The following AGT variants were observed in gnomAD, a reference collection of about 807,000 sequenced individuals.
AGT encodes angiotensinogen, also known as alpha-1 antiproteinase, antitrypsin.
A neutral mutation model predicts 28.1 loss-of-function variants in AGT; 26 were observed. That is an observed-to-expected ratio of 0.92 (90% confidence interval 0.68 to 1.28). The LOEUF is 1.28. Among genes scored for constraint, AGT ranks in the 50% most tolerant of loss-of-function variants. The pLI, the probability that AGT is intolerant of heterozygous loss-of-function variation, is 0.00. For synonymous variants in AGT, 259 were observed against 259.6 expected (o/e 1.00, Z 0.02); for missense variants, 596 against 592.3 (o/e 1.01, Z -0.06).
chr1:230,730,856 C>T (rs564994222), intron 1 of AGT, among the ~76,000 whole-genome samples: 3 of 152,214 alleles, frequency 2.0e-5, no homozygotes, highest in Admixed American at 6.5e-5. Context: ...TTATTAGGCC[C>T]AGATAGGCAT....
intron 2 of AGT, among the ~76,000 whole-genome samples, chr1:230,708,776 C>G (rs941263104): frequency 1.3e-5 from 2 of 152,146 alleles, no homozygotes; most frequent in African/African-American, 4.8e-5. Flanking sequence ...TGGACTCTTG[C>G]GTAACCTTCA....
chr1:230,720,175 G>A (rs11122581), intron 1 of AGT, among the ~76,000 whole-genome samples: 30,129 of 151,758 alleles, frequency 0.2, 4,076 homozygotes, highest in East Asian at 0.49. Flanking sequence ...GTAGAAATTC[G>A]GGCCGTGACT....
rs1663270681 is a variant in AGT at position 230,702,846 on chromosome 1, T to C, written c.*295A>G. On this transcript the variant is annotated 3_prime_UTR_variant, in exon 5 of 5. Transcript: ENST00000366667. ...TCGGTTGGAATTCTTTTTGGAACAG[T>C]AGTCCCGCGCTAAACACTGGTTCTT... 4 of 391,878 alleles carry C rather than the reference T, an allele frequency of 1.0e-5. No homozygotes were observed. The highest frequency in any genetic ancestry group is 1.9e-5 in the Non-Finnish European group (4 of 215,298). The allele number at this position is 391,878 out of a possible 1,614,324, so 24.3% of individuals were successfully genotyped here. A position where few individuals can be genotyped will look rare whatever the true frequency, so the allele number is the denominator to read the frequency against.
chr1:230,710,227 C>T lies in AGT; in HGVS notation c.597G>A (p.Val199=). The T allele has an allele frequency of 6.2e-7, 1 of 1,613,694 alleles. No individual in the cohort carries two copies. Among genetic ancestry groups the T allele is most frequent in the Non-Finnish European group, 8.5e-7 (1 of 1,179,992 alleles). ...DSQAQLLLST[V]VGVFTAPGLH... is the part of the protein sequence containing the mutation. ...GGCCTGGGGCTGTGAACACGCCCAC[C>T]ACCGTGGACAGCAGCAGCTGGGCCT... The change falls in exon 2 of 5, where the codon GTG becomes GTA. Residue 199 remains valine, a synonymous_variant. Transcript: ENST00000366667.
intron 1 of AGT, among the ~76,000 whole-genome samples, chr1:230,729,916 C>G: frequency 6.6e-6 from 1 of 151,968 alleles, no homozygotes; most frequent in East Asian, 2.0e-4. Flanking sequence ...AATCCCAGCA[C>G]TTTGGGAGGC....
At chr1:230,729,895 C>G (rs1168670989) in intron 1 of AGT, among the ~76,000 whole-genome samples, 3 of 152,006 alleles carry the variant, frequency 2.0e-5, no homozygotes, top group Non-Finnish European at 4.4e-5. Context: ...GGCACGGTGG[C>G]TCACGCCTGT....
At chr1:230,712,765 G>T (rs926855857) in intron 1 of AGT, among the ~76,000 whole-genome samples, 2 of 152,204 alleles carry the variant, frequency 1.3e-5, no homozygotes, top group Non-Finnish European at 2.9e-5. Context: ...ATCTGCGGCT[G>T]CTCCCTAGGC....
intron 1 of AGT, among the ~76,000 whole-genome samples, chr1:230,741,233 T>C (rs538157512): frequency 6.6e-6 from 1 of 152,168 alleles, no homozygotes; most frequent in African/African-American, 2.4e-5. Flanking sequence ...CCTTAGGCCA[T>C]AGGGGCAGTG....
intron 1 of AGT, among the ~76,000 whole-genome samples, chr1:230,732,889 A>G (rs900348077): frequency 3.3e-5 from 5 of 152,160 alleles, no homozygotes; most frequent in African/African-American, 9.7e-5. Flanking sequence ...TCAAGGACCA[A>G]CGGTATTTGA....
chr1:230,725,687 G>A (rs185263802), intron 1 of AGT, among the ~76,000 whole-genome samples: 2 of 152,234 alleles, frequency 1.3e-5, no homozygotes, highest in Non-Finnish European at 2.9e-5. Flanking sequence ...TTTATTTAAT[G>A]TTCAGTTCTT....
chr1:230,705,584 G>T (rs1663358291), intron 3 of AGT, among the ~76,000 whole-genome samples: 2 of 152,256 alleles, frequency 1.3e-5, no homozygotes, highest in South Asian at 2.1e-4. Context: ...TCACAGGTGT[G>T]CTGTGTGTCA....
At chr1:230,708,162 CA>C (rs1441078726) in intron 2 of AGT, among the ~76,000 whole-genome samples, 1 of 152,198 alleles carries the variant, frequency 6.6e-6, no homozygotes, top group Non-Finnish European at 1.5e-5. Flanking sequence ...AGGGTCAGGG[CA>C]GCATGCGGTG....
chr1:230,731,851 A>T (rs1170995942), intron 1 of AGT, among the ~76,000 whole-genome samples: 1 of 152,136 alleles, frequency 6.6e-6, no homozygotes, highest in Non-Finnish European at 1.5e-5. Flanking sequence ...TGGGTGACAG[A>T]GTGAGACTCC....
chr1:230,707,092 G>A (rs371171906), intron 2 of AGT, among the ~76,000 whole-genome samples: 2 of 152,358 alleles, frequency 1.3e-5, no homozygotes, highest in African/African-American at 4.8e-5. Flanking sequence ...CTGGGCCTTG[G>A]GGGCAGGGGT....
rs750373483 is a variant in AGT at position 230,706,139 on chromosome 1, G to A, written c.891C>T (p.Thr297=). The change falls in exon 3 of 5, where the codon ACC becomes ACT. Residue 297 remains threonine (T), a synonymous_variant. Coordinates refer to ENST00000366667, the MANE Select transcript of AGT (RefSeq NM_001384479.1). ...EPQEFWVDNS[T]SVSVPMLSGM... is the part of the protein sequence containing the mutation. ...CAGAGAGCATGGGAACAGACACTGAGGTGCTGTTGTCCACCCAGAACTCCT... is the reference window on the plus strand; with the variant it reads ...CAGAGAGCATGGGAACAGACACTGAAGTGCTGTTGTCCACCCAGAACTCCT... The A allele has an allele frequency of 1.9e-6, 3 of 1,614,094 alleles. No homozygotes were observed. Among genetic ancestry groups the A allele is most frequent in the Non-Finnish European group, 2.5e-6 (3 of 1,180,008 alleles).
intron 2 of AGT, among the ~76,000 whole-genome samples, chr1:230,707,696 G>A (rs1009955892): frequency 3.9e-5 from 6 of 152,342 alleles, no homozygotes; most frequent in African/African-American, 1.4e-4. Context: ...TTAGAGGGGG[G>A]AAAGGGACAA....
Position 230,710,057 on chromosome 1 carries a change from C to T in AGT, c.767G>A (p.Cys256Tyr). Residue 256 changes from cysteine (C) to tyrosine (Y), a missense_variant, in exon 2 of 5, where the codon TGC becomes TAC. Physicochemically the swap from Cys to Tyr is radical, Grantham distance 194. Coordinates refer to ENST00000366667, the MANE Select transcript of AGT (RefSeq NM_001384479.1). ...MQAVTGWKTG[C>Y]SLMGASVDST... Reference sequence around the variant, plus strand: ...GTCCACACTGGCTCCCATCAGGGAGCAGCCAGTCTTCCATCCTGTCACAGC... The same window carrying T: ...GTCCACACTGGCTCCCATCAGGGAGTAGCCAGTCTTCCATCCTGTCACAGC... The T allele has an allele frequency of 6.2e-7, 1 of 1,614,136 alleles. No homozygotes were observed. The highest frequency in any genetic ancestry group is 8.5e-7 in the Non-Finnish European group (1 of 1,180,026).
chr1:230,741,816 T>C (rs1664253148), intron 1 of AGT, among the ~76,000 whole-genome samples: 1 of 152,128 alleles, frequency 6.6e-6, no homozygotes, highest in Non-Finnish European at 1.5e-5. Context: ...CGAGGAGAGA[T>C]ACACGGGGGA....
At chr1:230,729,002 G>C (rs530818342) in intron 1 of AGT, among the ~76,000 whole-genome samples, 1 of 152,286 alleles carries the variant, frequency 6.6e-6, no homozygotes, top group East Asian at 1.9e-4. Context: ...CGGAAATGTG[G>C]TTGTCCACTA....
Sources: gnomAD v4.1 joint callset for allele counts (sites outside exome capture counted in the v4.1 genomes callset) on GRCh38, gnomAD v4.1.1 for gene constraint, MANE v1.5 for transcripts, NCBI Gene and HGNC (gene_info 2026-07-23, HGNC 2026-07-21) for gene names.